The following HIGD1A variants were observed in gnomAD, a reference collection of about 807,000 sequenced individuals.
The protein encoded by HIGD1A is HIG1 hypoxia inducible domain family member 1A, also known as HIG1 domain family member 1A, mitochondrial.
In HIGD1A, 8 loss-of-function variants were observed where a neutral mutation model predicts 11.3. The observed-to-expected ratio is 0.71, with a 90% CI of 0.42 to 1.28. The LOEUF (loss-of-function observed/expected upper bound fraction) is 1.28. Ranked by LOEUF, HIGD1A falls within the 50% of genes most tolerant of loss-of-function variation. The pLI is 0.01. For synonymous variants in HIGD1A, 32 were observed against 38.4 expected, an observed-to-expected ratio of 0.83 and a Z score of 0.62; for missense variants, 107 against 118.8, an observed-to-expected ratio of 0.90 and a Z score of 0.46.
rs1031689820 is a variant in HIGD1A at position 42,784,434 on chromosome 3, T to C, written c.*837A>G. On this transcript the variant is annotated 3_prime_UTR_variant, in exon 4 of 4. Transcript: ENST00000321331. ...TATATAAAAGTTTGGGTATACTGTC[T>C]GGCCAAACCAGCTTGCTCATAAGTC... is the stretch of plus-strand genomic sequence containing the variant. The C allele has an allele frequency of 1.3e-5, 2 of 152,394 alleles. No homozygotes were observed. Among genetic ancestry groups the C allele is most frequent in the African/African-American group, 4.8e-5 (2 of 41,460 alleles). 9.4% of individuals were successfully genotyped at this position (152,394 alleles called of 1,614,324 possible).
Position 42,799,717 on chromosome 3 carries a change from A to G in HIGD1A, c.-23+4719T>C, listed in dbSNP as rs561831545. On this transcript the variant is annotated intron_variant, in intron 1 of 3. Coordinates refer to ENST00000321331, the MANE Select transcript of HIGD1A (RefSeq NM_014056.4). ...GTGATTTGCCCGCCTCAGCCTCCCA[A>G]AGTGCTAGGATTATAGACGTGAACC... 3.3e-5 allele frequency among the ~76,000 whole-genome samples: 5 copies of G among 152,136 alleles called. No homozygotes were observed. In the East Asian group the frequency reaches 9.7e-4, roughly 30 times the overall value.
At chr3:42,787,574 G>A (rs1700366237) in intron 2 of HIGD1A, among the ~76,000 whole-genome samples, 1 of 125,536 alleles carries the variant, frequency 8.0e-6, no homozygotes, top group Non-Finnish European at 1.6e-5. Flanking sequence ...CTGGGCGACA[G>A]AGCGAGACTC....
rs559178794 is a variant in HIGD1A at position 42,803,566 on chromosome 3, T to C, written c.-23+870A>G. On this transcript the variant is annotated intron_variant, in intron 1 of 3. Transcript: ENST00000321331. Reference sequence around the variant, plus strand: ...GTCATGCTGGAGCTTCATGACCAGGTTGTCACCGCTTCAACCTGTTAGAAC... The same window carrying C: ...GTCATGCTGGAGCTTCATGACCAGGCTGTCACCGCTTCAACCTGTTAGAAC... 2.5e-4 allele frequency among the ~76,000 whole-genome samples: 38 copies of C among 152,306 alleles called. No homozygotes were observed. The South Asian group carries it at 7.1e-3, about 28-fold the overall frequency.
chr3:42,794,319 A>G (rs1700467421), intron 1 of HIGD1A, 44 bp from the exon 2 acceptor site: 1 of 1,501,892 alleles, frequency 6.7e-7, no homozygotes, highest in East Asian at 2.5e-5. Flanking sequence ...AAAGCATCTG[A>G]ACATTATTAA....
chr3:42,784,297 A>G lies in HIGD1A; in HGVS notation c.*974T>C, dbSNP rs1256793685. 6.6e-6 allele frequency: 1 copy of G among 152,218 alleles called. No individual in the cohort carries two copies. The highest frequency in any genetic ancestry group is 2.4e-5 in the African/African-American group (1 of 41,454). The allele number at this position is 152,218 out of a possible 1,614,324, so 9.4% of individuals were successfully genotyped here. ...TTTCCTCATGAAATAAATAAAAGACATTTGACATGGGTCACTTACTTTAAT... is the reference window on the plus strand; with the variant it reads ...TTTCCTCATGAAATAAATAAAAGACGTTTGACATGGGTCACTTACTTTAAT... On this transcript the variant is annotated 3_prime_UTR_variant, in exon 4 of 4. Transcript: ENST00000321331.
chr3:42,783,467 T>C lies in HIGD1A; in HGVS notation c.*1804A>G, dbSNP rs549814919. 1.5e-4 allele frequency among the ~76,000 whole-genome samples: 23 copies of C among 151,862 alleles called. No homozygotes were observed. In the South Asian group the frequency reaches 4.4e-3, roughly 29 times the overall value. ...TCGCCTTTACTAAAAACACAAAAAT[T>C]AGCCCGACATGGTGGCGCATGCCTG... On this transcript the variant is annotated 3_prime_UTR_variant, in exon 4 of 4. Transcript: ENST00000321331.
At chr3:42,790,471 T>C (rs986143534) in intron 2 of HIGD1A, among the ~76,000 whole-genome samples, 1 of 152,180 alleles carries the variant, frequency 6.6e-6, no homozygotes, top group African/African-American at 2.4e-5. Flanking sequence ...AGGCGGAGGT[T>C]GCAGTAAGCT....
rs1397997017 is a variant in HIGD1A, at chr3:42,784,741, T to C, written c.*530A>G. 6.5e-6 allele frequency: 1 copy of C among 152,842 alleles called. No homozygotes were observed. The allele number at this position is 152,842 out of a possible 1,614,324, so 9.5% of individuals were successfully genotyped here. ...TATTATGCAGCTCTATTGTTTAAGC[T>C]TTCTGGATTTGGTTTAAACACATGC... On this transcript the variant is annotated 3_prime_UTR_variant, in exon 4 of 4. Transcript: ENST00000321331.
At position 42,786,835 on chromosome 3, in the gene HIGD1A, G is replaced by A. The variant is rs575513483; in HGVS notation, c.98-673C>T. On this transcript the variant is annotated intron_variant, in intron 2 of 3. Coordinates refer to ENST00000321331, the MANE Select transcript of HIGD1A (RefSeq NM_014056.4). ...CTGTTGCCCAGGCTGGAGTGCAGCC[G>A]CACAATCATAGCTCACTGCAGCCTT... Among the ~76,000 whole-genome samples, 15 of 152,168 alleles carry A rather than the reference G, an allele frequency of 9.9e-5. No individual in the cohort carries two copies. The South Asian group carries it at 1.5e-3, about 15-fold the overall frequency.
chr3:42,788,052 C>A (rs2048006176), intron 2 of HIGD1A, among the ~76,000 whole-genome samples: 1 of 151,768 alleles, frequency 6.6e-6, no homozygotes, highest in Non-Finnish European at 1.5e-5. Context: ...AGAAGCTGAG[C>A]ACCAATAACT....
At chr3:42,802,820 T>C (rs1018364959) in intron 1 of HIGD1A, among the ~76,000 whole-genome samples, 1 of 152,228 alleles carries the variant, frequency 6.6e-6, no homozygotes, top group African/African-American at 2.4e-5. Flanking sequence ...CTGGGTTCTT[T>C]TGATTGACGA....
intron 2 of HIGD1A, among the ~76,000 whole-genome samples, chr3:42,789,193 A>G (rs1251354369): frequency 6.6e-6 from 1 of 151,848 alleles, no homozygotes; most frequent in Non-Finnish European, 1.5e-5. Flanking sequence ...GGAATGTGCC[A>G]ACCACACCCG....
intron 1 of HIGD1A, among the ~76,000 whole-genome samples, chr3:42,795,797 T>G (rs1700490629): frequency 6.6e-6 from 1 of 152,054 alleles, no homozygotes; most frequent in African/African-American, 2.4e-5. Context: ...GTCATCTCCG[T>G]GAATAGCCCT....
chr3:42,786,748 T>A (rs974205378), intron 2 of HIGD1A, among the ~76,000 whole-genome samples: 1 of 152,246 alleles, frequency 6.6e-6, no homozygotes, highest in Non-Finnish European at 1.5e-5. Flanking sequence ...ATTCAGGACA[T>A]GACCTTCCAT....
At chr3:42,793,381 C>T (rs1164465172) in intron 2 of HIGD1A, among the ~76,000 whole-genome samples, 1 of 152,116 alleles carries the variant, frequency 6.6e-6, no homozygotes, top group East Asian at 1.9e-4. Context: ...TGGTGGGCTT[C>T]CCTAGATGGC....
At position 42,786,107 on chromosome 3, in the gene HIGD1A, C is replaced by T; in HGVS notation, c.153G>A (p.Arg51=). 1.2e-6 allele frequency: 2 copies of T among 1,613,926 alleles called. No homozygotes were observed. Among genetic ancestry groups the T allele is most frequent in the Non-Finnish European group, 1.7e-6 (2 of 1,179,956 alleles). ...VAYGLYKLKS[R]GNTKMSIHLI... ...GATGAATGGACATTTTAGTATTTCC[C>T]CTGCTCTTCAGTTTATATAATCCAT... Residue 51 remains arginine (R), a synonymous_variant, in exon 3 of 4, where the codon AGG becomes AGA. Transcript: ENST00000321331.
chr3:42,804,126 T>A (rs1285998336), intron 1 of HIGD1A: 1 of 1,587,344 alleles, frequency 6.3e-7, no homozygotes, highest in Non-Finnish European at 8.6e-7. Context: ...GGCCCCCGTC[T>A]CTCATTACCA....
rs1411849701 is a variant in HIGD1A, at chr3:42,783,021, A to G, written c.*2250T>C. 6.6e-6 allele frequency among the ~76,000 whole-genome samples: 1 copy of G among 152,256 alleles called. No homozygotes were observed. Among genetic ancestry groups the G allele is most frequent in the African/African-American group, 2.4e-5 (1 of 41,464 alleles). On this transcript the variant is annotated 3_prime_UTR_variant, in exon 4 of 4. Coordinates refer to ENST00000321331, the MANE Select transcript of HIGD1A (RefSeq NM_014056.4). Reference sequence around the variant, plus strand: ...TACAGATAAACATATTTGACATGGCAAAAATTTAGGGAAATTGTTCCATGA... The same window carrying G: ...TACAGATAAACATATTTGACATGGCGAAAATTTAGGGAAATTGTTCCATGA...
At chr3:42,802,053 C>G (rs76842164) in intron 1 of HIGD1A, among the ~76,000 whole-genome samples, 4,559 of 152,242 alleles carry the variant, frequency 0.03, 103 homozygotes, top group African/African-American at 0.068. Flanking sequence ...CAAACAAAAA[C>G]AGGACATAAA....
Sources: allele counts gnomAD v4.1 joint callset (sites outside exome capture counted in the v4.1 genomes callset), GRCh38; gene constraint gnomAD v4.1.1; transcripts MANE v1.5; gene names NCBI Gene and HGNC (gene_info 2026-07-23, HGNC 2026-07-21).